CADM2: variants seen among roughly 807,000 people sequenced by gnomAD.
The protein encoded by CADM2 is cell adhesion molecule 2.
Under a neutral mutation model 49.8 loss-of-function variants are expected in CADM2, and 12 were observed. That is an observed-to-expected ratio of 0.24 (90% confidence interval 0.15 to 0.39). CADM2 has a LOEUF of 0.39. Among genes scored for constraint, CADM2 ranks in the 10% least tolerant of loss-of-function variants. CADM2 has a pLI of 1.00. For synonymous variants in CADM2, 214 were observed against 175.4 expected (o/e 1.22, Z -1.74); for missense variants, 378 against 492.3 (o/e 0.77, Z 2.20).
At position 85,253,511 on chromosome 3, in the gene CADM2, C is replaced by T. The variant is rs1269189021; in HGVS notation, c.61+293843C>T. Among the ~76,000 whole-genome samples the T allele has an allele frequency of 2.0e-5, 3 of 152,164 alleles. No homozygotes were observed. In the East Asian group the frequency reaches 5.8e-4, roughly 30 times the overall value. ...AAAGATCTATTTGTAGTTTCCTCAA[C>T]CTGCATTTATCTTTCACTCTTCTCT... is the stretch of plus-strand genomic sequence containing the variant. On this transcript the variant is annotated intron_variant, in intron 1 of 9. Coordinates refer to ENST00000383699, the MANE Select transcript of CADM2 (RefSeq NM_001167675.2).
At chr3:85,644,989 T>C (rs2064840253) in intron 1 of CADM2, among the ~76,000 whole-genome samples, 1 of 152,024 alleles carries the variant, frequency 6.6e-6, no homozygotes. Context: ...ATGAAGTATG[T>C]TTTTTTAAGC....
intron 1 of CADM2, among the ~76,000 whole-genome samples, chr3:85,655,194 G>A (rs549746219): frequency 1.8e-4 from 26 of 148,504 alleles, no homozygotes; most frequent in African/African-American, 6.2e-4. Context: ...TCACTGTATC[G>A]CCCAGGCTGG....
chr3:85,077,299 A>G (rs1490264848), intron 1 of CADM2, among the ~76,000 whole-genome samples: 2 of 152,188 alleles, frequency 1.3e-5, no homozygotes, highest in Non-Finnish European at 2.9e-5. Flanking sequence ...TTTATTGGAA[A>G]GGGTGACTAA....
At position 85,603,204 on chromosome 3, in the gene CADM2, A is replaced by G. The variant is rs1035363485; in HGVS notation, c.62-123318A>G. Among the ~76,000 whole-genome samples the G allele has an allele frequency of 1.4e-4, 22 of 152,022 alleles. 1 individual carries two copies. Among genetic ancestry groups the G allele is most frequent in the Middle Eastern group, 6.8e-3 (2 of 294 alleles). ...ATACATTTAAAACCTGAATACATGAAGGAGTAGAAGAATCTCCTACTTTGA... is the reference window on the plus strand; with the variant it reads ...ATACATTTAAAACCTGAATACATGAGGGAGTAGAAGAATCTCCTACTTTGA... On this transcript the variant is annotated intron_variant, in intron 1 of 9. Transcript: ENST00000383699.
At chr3:85,642,115 C>T (rs1375899901) in intron 1 of CADM2, among the ~76,000 whole-genome samples, 1 of 151,894 alleles carries the variant, frequency 6.6e-6, no homozygotes, top group Non-Finnish European at 1.5e-5. Context: ...TAATGGGAGG[C>T]CATTACCCTT....
chr3:85,239,305 T>G (rs1049784108), intron 1 of CADM2, among the ~76,000 whole-genome samples: 1 of 151,842 alleles, frequency 6.6e-6, no homozygotes. Context: ...ATACTTTAGA[T>G]GGCAGACTGT....
chr3:85,595,226 T>A (rs149183407), intron 1 of CADM2, among the ~76,000 whole-genome samples: 1 of 152,110 alleles, frequency 6.6e-6, no homozygotes, highest in African/African-American at 2.4e-5. Context: ...GAGGGTTTCA[T>A]CTATTAGAGT....
chr3:85,214,737 G>A (rs2041881095), intron 1 of CADM2, among the ~76,000 whole-genome samples: 1 of 151,910 alleles, frequency 6.6e-6, no homozygotes, highest in South Asian at 2.1e-4. Flanking sequence ...GGCCACCATT[G>A]TCCCCAGCCC....
intron 2 of CADM2, among the ~76,000 whole-genome samples, chr3:85,763,794 C>T (rs1314355386): frequency 6.6e-6 from 1 of 152,110 alleles, no homozygotes; most frequent in Non-Finnish European, 1.5e-5. Flanking sequence ...AGAATATCAG[C>T]TCTCATCCCA....
In CADM2 at chr3:85,652,362, A is replaced by G. The variant is rs1289633456; in HGVS notation, c.62-74160A>G. ...AAAACTCAATGACTTAAAACAATGC[A>G]TATATATGATATCCGTTTATTTGGA... On this transcript the variant is annotated intron_variant, in intron 1 of 9. Transcript: ENST00000383699. 2.0e-5 allele frequency among the ~76,000 whole-genome samples: 3 copies of G among 152,296 alleles called. 1 individual carries two copies. Among genetic ancestry groups the G allele is most frequent in the South Asian group, 4.1e-4 (2 of 4,820 alleles).
chr3:84,988,981 G>A (rs1185846821), intron 1 of CADM2, among the ~76,000 whole-genome samples: 1 of 152,100 alleles, frequency 6.6e-6, no homozygotes, highest in Non-Finnish European at 1.5e-5. Context: ...AGGTTTTGGG[G>A]AATAGATGGG....
intron 1 of CADM2, among the ~76,000 whole-genome samples, chr3:85,319,475 C>T (rs1402012406): frequency 2.0e-5 from 3 of 152,260 alleles, no homozygotes; most frequent in African/African-American, 7.2e-5. Context: ...ATCTTTCTAC[C>T]ATAAAGACAC....
intron 8 of CADM2, among the ~76,000 whole-genome samples, chr3:86,010,925 A>G (rs1731428969): frequency 6.6e-6 from 1 of 151,870 alleles, no homozygotes; most frequent in African/African-American, 2.4e-5. Flanking sequence ...CTGAAAATCT[A>G]TATGAAATAA....
chr3:85,754,370 G>T (rs1169056978), intron 2 of CADM2, among the ~76,000 whole-genome samples: 1 of 152,030 alleles, frequency 6.6e-6, no homozygotes, highest in Admixed American at 6.6e-5. Flanking sequence ...TCCTGGTGGG[G>T]GGCCCTCTCC....
chr3:85,719,305 G>A (rs975974264), intron 1 of CADM2, among the ~76,000 whole-genome samples: 1 of 152,048 alleles, frequency 6.6e-6, no homozygotes, highest in African/African-American at 2.4e-5. Flanking sequence ...TTAAATCATA[G>A]GAAAAGATGT....
chr3:86,042,152 C>T (rs952306535), intron 8 of CADM2, among the ~76,000 whole-genome samples: 21 of 152,086 alleles, frequency 1.4e-4, no homozygotes, highest in Admixed American at 4.6e-4. Flanking sequence ...GACACGCTAA[C>T]ATCACAATTA....
intron 1 of CADM2, among the ~76,000 whole-genome samples, chr3:85,456,570 C>G (rs1482390672): frequency 2.6e-5 from 4 of 152,034 alleles, no homozygotes; most frequent in Non-Finnish European, 4.4e-5. Context: ...ATATAGCATA[C>G]TTTTTCAAAA....
intron 1 of CADM2, among the ~76,000 whole-genome samples, chr3:85,503,481 TTTTC>T (rs2040198500): frequency 6.6e-6 from 1 of 152,222 alleles, no homozygotes; most frequent in Non-Finnish European, 1.5e-5. Flanking sequence ...TTTGCATTAT[TTTTC>T]TTTATTTGAA....
intron 1 of CADM2, among the ~76,000 whole-genome samples, chr3:85,079,712 TA>T (rs1020924246): frequency 8.2e-4 from 124 of 151,660 alleles, no homozygotes; most frequent in African/African-American, 1.0e-3. Flanking sequence ...AATACAAAAA[TA>T]AAAAAAATTA....
Sources: gnomAD v4.1 joint callset for allele counts (sites outside exome capture counted in the v4.1 genomes callset) on GRCh38, gnomAD v4.1.1 for gene constraint, MANE v1.5 for transcripts, NCBI Gene and HGNC (gene_info 2026-07-23, HGNC 2026-07-21) for gene names.